The following HMCN2 variants were observed in gnomAD, a reference collection of about 807,000 sequenced individuals.
The protein encoded by HMCN2 is hemicentin 2, also known as hemicentin-2.
HMCN2 carries 325 observed loss-of-function variants against 377.5 expected under a neutral mutation model. The observed-to-expected ratio is 0.86, with a 90% CI of 0.79 to 0.94. The LOEUF is 0.94. Ranked by LOEUF, HMCN2 falls within the 40% of genes least tolerant of loss-of-function variation. The pLI, the probability that HMCN2 is intolerant of heterozygous loss-of-function variation, is 0.00. For missense variants in HMCN2, 4,543 were observed against 4,725.3 expected, an observed-to-expected ratio of 0.96 and a Z score of 1.13; for synonymous variants, 2,007 against 2,046.8, an observed-to-expected ratio of 0.98 and a Z score of 0.53.
chr9:130,351,258 G>C lies in HMCN2; in HGVS notation c.4431-165G>C, dbSNP rs567834547. On this transcript the variant is annotated intron_variant, in intron 29 of 97. Coordinates refer to ENST00000683500, the MANE Select transcript of HMCN2 (RefSeq NM_001291815.2). The surrounding 1 kb of genome is among the most constrained non-coding windows in gnomAD (Gnocchi z 5.4). ...GTTCCGTGGCATGGACGGACCACAC[G>C]TTGTTGATCCATTCCTCGCTTACTG... 1.3e-5 allele frequency among the ~76,000 whole-genome samples: 2 copies of C among 152,194 alleles called. No homozygotes were observed. Among genetic ancestry groups the C allele is most frequent in the Admixed American group, 6.5e-5 (1 of 15,276 alleles).
intron 85 of HMCN2, among the ~76,000 whole-genome samples, chr9:130,418,381 C>T (rs145532560): frequency 5.3e-4 from 81 of 152,088 alleles, no homozygotes; most frequent in African/African-American, 1.7e-3. Context: ...GCCAATATGA[C>T]GAAACCCCAT....
intron 80 of HMCN2, 73 bp from the exon 81 acceptor site, chr9:130,404,796 G>A: frequency 1.8e-6 from 2 of 1,095,822 alleles, no homozygotes; most frequent in South Asian, 3.4e-5. Context: ...CTGGGCCAAA[G>A]GCCAAGGGCC....
chr9:130,431,304 C>G, intron 95 of HMCN2, 63 bp from the exon 96 acceptor site: 1 of 1,489,854 alleles, frequency 6.7e-7, no homozygotes, highest in Non-Finnish European at 9.1e-7. Flanking sequence ...ACGTTGGTGT[C>G]TGTGGCTCAG....
chr9:130,323,488 A>G (rs887713219), intron 19 of HMCN2, among the ~76,000 whole-genome samples: 3,660 of 152,316 alleles, frequency 0.024, 124 homozygotes, highest in African/African-American at 0.083. Flanking sequence ...CGACCAGGGA[A>G]CTGGGGTTAA....
intron 40 of HMCN2, among the ~76,000 whole-genome samples, chr9:130,363,961 AGAAG>A (rs959727040): frequency 1.9e-3 from 286 of 151,768 alleles, no homozygotes; most frequent in African/African-American, 6.7e-3. Context: ...AGAAAAAAAG[AGAAG>A]GAAGGAAGGA....
chr9:130,355,713 C>T (rs569609968), intron 32 of HMCN2, 33 bp from the exon 33 acceptor site: 2 of 1,248,086 alleles, frequency 1.6e-6, no homozygotes, highest in East Asian at 1.1e-4. Context: ...GGCTGCTCAG[C>T]TCCAAACACC....
intron 87 of HMCN2, among the ~76,000 whole-genome samples, chr9:130,424,538 G>GC (rs1252554333): frequency 6.6e-6 from 1 of 152,088 alleles, no homozygotes; most frequent in Admixed American, 6.5e-5. Flanking sequence ...ATGTCGCCTA[G>GC]CATTTCCTTG....
intron 25 of HMCN2, among the ~76,000 whole-genome samples, chr9:130,343,345 G>A (rs1383736190): frequency 4.6e-5 from 7 of 152,208 alleles, no homozygotes; most frequent in East Asian, 3.8e-4. Context: ...CCTGGGGGGC[G>A]TCTCTAGTCT....
chr9:130,407,283 A>G (rs1843148553), intron 82 of HMCN2: 1 of 183,618 alleles, frequency 5.4e-6, no homozygotes. Context: ...CTCTCTAGAA[A>G]TCATGGCAGT....
intron 85 of HMCN2, among the ~76,000 whole-genome samples, chr9:130,416,100 ATTTTTTTTTTTTT>A (rs34382467): frequency 7.6e-6 from 1 of 130,736 alleles, no homozygotes; most frequent in African/African-American, 2.9e-5. Flanking sequence ...TAGAGGCTTT[ATTTTTTTTTTTTT>A]TTTTTTTTGG....
intron 34 of HMCN2, 31 bp downstream of exon 34, chr9:130,356,288 G>A: frequency 7.9e-7 from 1 of 1,272,746 alleles, no homozygotes; most frequent in Non-Finnish European, 1.0e-6. Flanking sequence ...CTGGAGCTGT[G>A]GGCAGCCTGA....
In HMCN2 at chr9:130,405,958, C is replaced by T; in HGVS notation, c.12343C>T (p.Gln4115Ter). The T allele has an allele frequency of 7.8e-7, 1 of 1,285,132 alleles. No homozygotes were observed. The allele number at this position is 1,285,132 out of a possible 1,614,324, so 79.6% of individuals were successfully genotyped here. A position where few individuals can be genotyped will look rare whatever the true frequency, so the allele number is the denominator to read the frequency against. Residue 4115 changes from glutamine to a stop codon, truncating the protein, a stop_gained, in exon 82 of 98, where the codon CAG becomes TAG. Coordinates refer to ENST00000683500, the MANE Select transcript of HMCN2 (RefSeq NM_001291815.2). LOFTEE classifies it high-confidence loss of function. ...CAACCCCTTTCTTTGCTCACAGGGCCAGGACGCAGGCACCTATACCTGTAC... is the reference window on the plus strand; with the variant it reads ...CAACCCCTTTCTTTGCTCACAGGGCTAGGACGCAGGCACCTATACCTGTAC... ...GELLVKNLEG[Q>*]DAGTYTCTAE... is the part of the protein sequence containing the mutation.
intron 61 of HMCN2, 43 bp from the exon 62 acceptor site, chr9:130,388,366 G>T: frequency 1.0e-6 from 1 of 987,724 alleles, no homozygotes; most frequent in Non-Finnish European, 1.2e-6. Flanking sequence ...AGGAAATTGG[G>T]GAAGAGTCTC....
chr9:130,325,096 C>CTTCTTTTT (rs1554943189), intron 19 of HMCN2, among the ~76,000 whole-genome samples: 2 of 128,084 alleles, frequency 1.6e-5, no homozygotes, highest in Admixed American at 8.5e-5. Flanking sequence ...TCTTCTTCTT[C>CTTCTTTTT]TTTTTTTTTT....
chr9:130,360,584 G>A lies in HMCN2; in HGVS notation c.5930G>A (p.Arg1977Gln), dbSNP rs770215007. The A allele has an allele frequency of 2.0e-5, 26 of 1,302,630 alleles. No individual in the cohort carries two copies. The East Asian group carries it at 3.3e-4, about 17-fold the overall frequency. 80.7% of individuals were successfully genotyped at this position (1,302,630 alleles called of 1,614,324 possible). The stretch of plus-strand genomic sequence containing the variant: ...AATGTGGCAGGTAGCACAGAGCTGC[G>A]GTATGGCCTACGGGTCAATGGTGAG... ...ASNVAGSTEL[R>Q]YGLRVNVPPR... is the part of the protein sequence containing the mutation. Residue 1977 changes from arginine (R) to glutamine (Q), a missense_variant, in exon 38 of 98, where the codon CGG becomes CAG. Physicochemically the swap from Arg to Gln is conservative, Grantham distance 43 (BLOSUM62 1). Around this residue, in one of 5 missense-constraint regions of HMCN2, gnomAD observed 1,032 missense variants for 1,285.1 expected, o/e 0.80. Transcript: ENST00000683500. The surrounding 1 kb of genome is among the most constrained non-coding windows in gnomAD (Gnocchi z 4.7).
At chr9:130,312,785 C>T (rs1264821706) in intron 15 of HMCN2, among the ~76,000 whole-genome samples, 1 of 151,288 alleles carries the variant, frequency 6.6e-6, no homozygotes, top group Non-Finnish European at 1.5e-5. Context: ...CCCACCTCAG[C>T]CTCCTGAGTA....
intron 73 of HMCN2, among the ~76,000 whole-genome samples, 155 bp from the exon 74 acceptor site, chr9:130,397,373 A>T (rs1842657307): frequency 6.6e-6 from 1 of 152,168 alleles, no homozygotes; most frequent in South Asian, 2.1e-4. Flanking sequence ...GAATTATGGG[A>T]GCTACAAGAT....
rs976913256 is a variant in HMCN2, at chr9:130,303,022, G to T, written c.1421+21G>T. On this transcript the variant is annotated intron_variant, in intron 9 of 97. Transcript: ENST00000683500. The surrounding 1 kb of genome is among the most constrained non-coding windows in gnomAD (Gnocchi z 5.2). ...TTTCAGTGAGTGGCCCACGGCAGCT[G>T]ATTGTCCCCAGCCACAGGGCTCCTG... 4.3e-6 allele frequency: 2 copies of T among 460,374 alleles called. No individual in the cohort carries two copies. The highest frequency in any genetic ancestry group is 9.0e-6 in the Non-Finnish European group (2 of 221,364). 28.5% of individuals were successfully genotyped at this position (460,374 alleles called of 1,614,324 possible). A position where few individuals can be genotyped will look rare whatever the true frequency, so the allele number is the denominator to read the frequency against.
At chr9:130,285,055 A>T (rs1198593968) in intron 2 of HMCN2, 103 bp from the exon 3 acceptor site, 2 of 402,120 alleles carry the variant, frequency 5.0e-6, no homozygotes, top group Admixed American at 5.9e-5. Flanking sequence ...AGGAGGTGAC[A>T]GTTCAAGGTG....
Sources: gnomAD v4.1 joint callset for allele counts (sites outside exome capture counted in the v4.1 genomes callset) on GRCh38, gnomAD v4.1.1 for gene constraint, gnomAD v4.1.1 regional missense constraint, Gnocchi (gnomAD v3.1) non-coding constraint, MANE v1.5 for transcripts, NCBI Gene and HGNC (gene_info 2026-07-23, HGNC 2026-07-21) for gene names.